Variants in TMEM33 observed in about 807,000 individuals in gnomAD.
TMEM33 encodes the protein transmembrane protein 33.
In TMEM33, 16 loss-of-function variants were observed where a neutral mutation model predicts 29.7. The ratio of observed to expected loss-of-function variants is 0.54; its 90% CI spans 0.36 to 0.82. TMEM33 has a LOEUF of 0.82. Among genes scored for constraint, TMEM33 ranks in the 40% least tolerant of loss-of-function variants. The pLI, the probability that TMEM33 is intolerant of heterozygous loss-of-function variation, is 0.00. For missense variants in TMEM33, 252 were observed against 295.3 expected, an observed-to-expected ratio of 0.85 and a Z score of 1.08; for synonymous variants, 112 against 109.4, an observed-to-expected ratio of 1.02 and a Z score of -0.15.
rs553735917 is a variant in TMEM33, at chr4:41,935,434, C to A, written c.-51C>A. 1.9e-6 allele frequency: 3 copies of A among 1,565,336 alleles called. No homozygotes were observed. In the East Asian group the frequency reaches 7.0e-5, roughly 36 times the overall value. On this transcript the variant is annotated 5_prime_UTR_variant, in exon 1 of 7. Transcript: ENST00000504986. ...CCCCAGCGCTGACGTTTTCTCTCCC[C>A]TTTCTTCTCTCTTCGCGGTTGCGGC... is the stretch of plus-strand genomic sequence containing the variant.
rs370613366 is a variant in TMEM33, at chr4:41,943,355, T to C, written c.329-392T>C. Reference sequence around the variant, plus strand: ...GCCTGGCCAACATGGTGAAAACCCATCTCTACTAAAAATACAAAAATTAGC... The same window carrying C: ...GCCTGGCCAACATGGTGAAAACCCACCTCTACTAAAAATACAAAAATTAGC... On this transcript the variant is annotated intron_variant, in intron 3 of 6. Coordinates refer to ENST00000504986, the MANE Select transcript of TMEM33 (RefSeq NM_018126.3). 6.4e-4 allele frequency among the ~76,000 whole-genome samples: 97 copies of C among 152,182 alleles called. 2 individuals are homozygous for C. In the South Asian group the frequency reaches 0.02, roughly 31 times the overall value.
chr4:41,938,970 C>T, intron 2 of TMEM33, among the ~76,000 whole-genome samples: 1 of 152,026 alleles, frequency 6.6e-6, no homozygotes, highest in East Asian at 1.9e-4. Context: ...TATTACTTGA[C>T]AGGAAGGTCC....
intron 1 of TMEM33, among the ~76,000 whole-genome samples, chr4:41,937,694 A>C (rs1189935515): frequency 6.6e-6 from 1 of 152,186 alleles, no homozygotes; most frequent in Non-Finnish European, 1.5e-5. Flanking sequence ...ATGTATATGG[A>C]TCTCAATGTT....
At chr4:41,943,271 TC>T (rs2153126944) in intron 3 of TMEM33, among the ~76,000 whole-genome samples, 1 of 152,300 alleles carries the variant, frequency 6.6e-6, no homozygotes, top group South Asian at 2.1e-4. Flanking sequence ...ACACCTGTAA[TC>T]CCAGCACTTT....
rs1199712279 is a variant in TMEM33, at chr4:41,957,942, C to G, written c.*3743C>G. ...GCTGAGTCAGCTATAAAACTAAGTC[C>G]CTGAATTCCATGGCCCTTTTAAATA... On this transcript the variant is annotated 3_prime_UTR_variant, in exon 7 of 7. Coordinates refer to ENST00000504986, the MANE Select transcript of TMEM33 (RefSeq NM_018126.3). The G allele has an allele frequency of 6.6e-6, 1 of 152,030 alleles. No homozygotes were observed. Among genetic ancestry groups the G allele is most frequent in the African/African-American group, 2.4e-5 (1 of 41,356 alleles). The allele number at this position is 152,030 out of a possible 1,614,324, so 9.4% of individuals were successfully genotyped here.
chr4:41,937,919 TGTG>T (rs935255824), intron 1 of TMEM33, among the ~76,000 whole-genome samples: 2 of 151,520 alleles, frequency 1.3e-5, no homozygotes, highest in African/African-American at 4.9e-5. Context: ...GGGTAAGACT[TGTG>T]GGGGAACATG....
intron 3 of TMEM33, among the ~76,000 whole-genome samples, chr4:41,940,684 C>G (rs112546022): frequency 4.6e-5 from 7 of 151,786 alleles, no homozygotes; most frequent in Admixed American, 1.3e-4. Flanking sequence ...TGGCATGTGC[C>G]TGTAGTCCCA....
At chr4:41,942,801 T>C (rs1181741042) in intron 3 of TMEM33, among the ~76,000 whole-genome samples, 2 of 152,218 alleles carry the variant, frequency 1.3e-5, no homozygotes, top group East Asian at 3.8e-4. Context: ...TTTCCTTATG[T>C]CTGTAATTAA....
At position 41,959,264 on chromosome 4, in the gene TMEM33, C is replaced by G. The variant is rs865919852; in HGVS notation, c.*5065C>G. Reference sequence around the variant, plus strand: ...GGGAGGTTTACTGGTAGTAACTATTCTAGGAAATATTTATGTTTTAAGGTG... The same window carrying G: ...GGGAGGTTTACTGGTAGTAACTATTGTAGGAAATATTTATGTTTTAAGGTG... On this transcript the variant is annotated 3_prime_UTR_variant, in exon 7 of 7. Transcript: ENST00000504986. The G allele has an allele frequency of 6.6e-6, 1 of 152,150 alleles. No homozygotes were observed. Among genetic ancestry groups the G allele is most frequent in the South Asian group, 2.1e-4 (1 of 4,826 alleles). 9.4% of individuals were successfully genotyped at this position (152,150 alleles called of 1,614,324 possible).
intron 3 of TMEM33, among the ~76,000 whole-genome samples, chr4:41,940,807 CA>C (rs11390153): frequency 6.4e-3 from 341 of 53,262 alleles, no homozygotes; most frequent in Admixed American, 0.022. Context: ...GACTCCTTCT[CA>C]AAAAAAAAAA....
chr4:41,950,813 G>A (rs1713006688), intron 6 of TMEM33, among the ~76,000 whole-genome samples: 1 of 151,594 alleles, frequency 6.6e-6, no homozygotes. Flanking sequence ...GTGCTTCTTT[G>A]TGCCTCCTTC....
At chr4:41,936,094 T>G (rs903418386) in intron 1 of TMEM33, among the ~76,000 whole-genome samples, 10 of 152,274 alleles carry the variant, frequency 6.6e-5, no homozygotes, top group Admixed American at 2.6e-4. Flanking sequence ...TGCTGTCCTC[T>G]ACTTTTTAAT....
At position 41,949,379 on chromosome 4, in the gene TMEM33, A is replaced by G. The variant is rs756999241; in HGVS notation, c.608A>G (p.Tyr203Cys). The change falls in exon 6 of 7, where the codon TAT (tyrosine) becomes TGT (cysteine). Residue 203 changes from tyrosine (Y) to cysteine (C), a missense_variant. Physicochemically the swap from Tyr to Cys is radical, Grantham distance 194 (BLOSUM62 -2). Transcript: ENST00000504986. The part of the protein sequence containing the change: ...TLRYSSRRNP[Y>C]CRTLFNELRI... ...CGATATTCGTCTCGAAGAAACCCAT[A>G]TTGTCGGTAAGCTGATGATTATTTT... 6 of 1,608,294 alleles carry G rather than the reference A, an allele frequency of 3.7e-6. No homozygotes were observed. The highest frequency in any genetic ancestry group is 2.2e-5 in the East Asian group (1 of 44,644).
intron 5 of TMEM33, among the ~76,000 whole-genome samples, chr4:41,946,807 T>C (rs1200193911): frequency 6.6e-6 from 1 of 152,196 alleles, no homozygotes; most frequent in African/African-American, 2.4e-5. Flanking sequence ...GAAACTTTAA[T>C]TATTAATTAG....
At chr4:41,949,077 GAA>G (rs1712920635) in intron 5 of TMEM33, among the ~76,000 whole-genome samples, 1 of 151,958 alleles carries the variant, frequency 6.6e-6, no homozygotes, top group South Asian at 2.1e-4. Flanking sequence ...ATACAGATAA[GAA>G]TACATTTATA....
intron 6 of TMEM33, among the ~76,000 whole-genome samples, chr4:41,953,477 T>C (rs1326833734): frequency 1.3e-5 from 2 of 152,254 alleles, no homozygotes; most frequent in Non-Finnish European, 2.9e-5. Flanking sequence ...TTCAGGAACT[T>C]TTCCTTTGCA....
At chr4:41,935,365 C>A (rs943968478), upstream of TMEM33, 1 of 1,103,906 alleles carries the variant, frequency 9.1e-7, no homozygotes, top group African/African-American at 1.5e-5. Flanking sequence ...GTGCATCCGG[C>A]CTGTGTGTGG....
At chr4:41,941,559 A>G (rs1289961278) in intron 3 of TMEM33, among the ~76,000 whole-genome samples, 3 of 152,236 alleles carry the variant, frequency 2.0e-5, no homozygotes, top group Admixed American at 2.0e-4. Context: ...AATGAGACTC[A>G]TGACTGGTGA....
rs549137721 is a variant in TMEM33 at position 41,943,660 on chromosome 4, C to T, written c.329-87C>T. 37 of 1,177,862 alleles carry T rather than the reference C, an allele frequency of 3.1e-5. 1 individual carries two copies. The South Asian group carries it at 4.6e-4, about 15-fold the overall frequency. 73.0% of individuals were successfully genotyped at this position (1,177,862 alleles called of 1,614,324 possible). ...ACTGAACTCATTTTAGCAGATGTTT[C>T]ACATCTGTATATTTGGACATAATAC... On this transcript the variant is annotated intron_variant, in intron 3 of 6. Coordinates refer to ENST00000504986, the MANE Select transcript of TMEM33 (RefSeq NM_018126.3).
Sources: gnomAD v4.1 joint callset for allele counts (sites outside exome capture counted in the v4.1 genomes callset) on GRCh38, gnomAD v4.1.1 for gene constraint, MANE v1.5 for transcripts, NCBI Gene and HGNC (gene_info 2026-07-23, HGNC 2026-07-21) for gene names.